The following CDH18 variants were observed in gnomAD, a reference collection of about 807,000 sequenced individuals.
The protein encoded by CDH18 is cadherin-18.
Under a neutral mutation model 67.9 loss-of-function variants are expected in CDH18, and 31 were observed. That is an observed-to-expected ratio of 0.46 (90% CI 0.34 to 0.62). CDH18 has a LOEUF of 0.62. Ranked by LOEUF, CDH18 falls within the 20% of genes least tolerant of loss-of-function variation. The pLI, the probability that CDH18 is intolerant of heterozygous loss-of-function variation, is 0.01. For synonymous variants in CDH18, 362 were observed against 347.2 expected (o/e 1.04, Z -0.48); for missense variants, 890 against 975.5 (o/e 0.91, Z 1.17).
chr5:20,061,875 A>G (rs1742517899), intron 2 of CDH18, among the ~76,000 whole-genome samples: 1 of 152,134 alleles, frequency 6.6e-6, no homozygotes, highest in African/African-American at 2.4e-5. Flanking sequence ...AAAGCATCTT[A>G]GAGATCATGT....
chr5:20,457,422 T>A (rs918034167), intron 1 of CDH18, among the ~76,000 whole-genome samples: 1 of 152,142 alleles, frequency 6.6e-6, no homozygotes, highest in Non-Finnish European at 1.5e-5. Context: ...CAAAAACTTG[T>A]AAGTGGATGG....
intron 2 of CDH18, among the ~76,000 whole-genome samples, chr5:20,145,187 A>C (rs1444941487): frequency 1.3e-5 from 2 of 152,168 alleles, no homozygotes; most frequent in African/African-American, 4.8e-5. Context: ...TTATACATAA[A>C]TTTAAATCTT....
At chr5:19,995,257 T>A (rs1381427048) in intron 2 of CDH18, among the ~76,000 whole-genome samples, 1 of 152,000 alleles carries the variant, frequency 6.6e-6, no homozygotes, top group Admixed American at 6.6e-5. Flanking sequence ...TAATAAACCA[T>A]CACGCCTATT....
chr5:19,692,321 G>T (rs928681264), intron 5 of CDH18, among the ~76,000 whole-genome samples: 3 of 152,028 alleles, frequency 2.0e-5, no homozygotes, highest in Admixed American at 1.3e-4. Flanking sequence ...CATTGGCCTA[G>T]GCCAAAATTT....
At position 19,640,277 on chromosome 5, in the gene CDH18, C is replaced by A. The variant is rs368112095; in HGVS notation, c.644-27676G>T. Among the ~76,000 whole-genome samples the A allele has an allele frequency of 3.5e-4, 54 of 152,126 alleles. No individual in the cohort carries two copies. In the South Asian group the frequency reaches 0.011, roughly 30 times the overall value. ...AAACTAATCATTAAAATATAAAAAT[C>A]TATTAATAGATACACAATATAGAAA... On this transcript the variant is annotated intron_variant, in intron 5 of 12. Coordinates refer to ENST00000382275, the MANE Select transcript of CDH18 (RefSeq NM_004934.5).
intron 9 of CDH18, among the ~76,000 whole-genome samples, chr5:19,540,228 C>G (rs1750040103): frequency 6.6e-6 from 1 of 152,104 alleles, no homozygotes. Flanking sequence ...AATGATCTCC[C>G]TTGACTCCAT....
chr5:19,906,661 C>A (rs1436040787), intron 2 of CDH18, among the ~76,000 whole-genome samples: 1 of 151,934 alleles, frequency 6.6e-6, no homozygotes, highest in Admixed American at 6.6e-5. Flanking sequence ...GTAATTCTGA[C>A]AAATGTATTC....
At chr5:20,123,320 G>A (rs923390584) in intron 2 of CDH18, among the ~76,000 whole-genome samples, 2 of 152,050 alleles carry the variant, frequency 1.3e-5, no homozygotes, top group African/African-American at 2.4e-5. Flanking sequence ...GCTCTGAAAC[G>A]CACCCCAGGA....
At chr5:19,931,239 T>C (rs961793375) in intron 2 of CDH18, among the ~76,000 whole-genome samples, 2 of 152,008 alleles carry the variant, frequency 1.3e-5, no homozygotes, top group African/African-American at 2.4e-5. Flanking sequence ...ATGGCAATTT[T>C]ATGTCTCCTC....
At chr5:19,653,136 C>A (rs183899068) in intron 5 of CDH18, among the ~76,000 whole-genome samples, 26 of 151,544 alleles carry the variant, frequency 1.7e-4, no homozygotes, top group African/African-American at 6.0e-4. Flanking sequence ...AAAGTAATGG[C>A]GGTTTTTGCC....
chr5:20,088,308 T>C (rs961476077), intron 2 of CDH18, among the ~76,000 whole-genome samples: 2 of 152,228 alleles, frequency 1.3e-5, no homozygotes, highest in African/African-American at 4.8e-5. Context: ...CTAGTATCCA[T>C]TTGGAGAACT....
intron 2 of CDH18, among the ~76,000 whole-genome samples, chr5:19,923,038 G>A (rs913051360): frequency 2.0e-4 from 30 of 151,840 alleles, no homozygotes; most frequent in African/African-American, 6.8e-4. Flanking sequence ...ATTTCTATCC[G>A]GTCAGACCTA....
rs904495055 is a variant in CDH18 at position 20,481,057 on chromosome 5, G to GA, written c.-580+94404dup. 4.0e-4 allele frequency among the ~76,000 whole-genome samples: 59 copies of GA among 149,182 alleles called. No homozygotes were observed. The East Asian group carries it at 0.01, about 26-fold the overall frequency. On this transcript the variant is annotated intron_variant, in intron 1 of 14. Coordinates refer to the CDH18 transcript ENST00000507958. ...TCAAAAGATATAGAGTGGCTGCCAG[G>GA]AAAAAAAAAGCAAGACCCAGTATCT...
intron 3 of CDH18, among the ~76,000 whole-genome samples, chr5:19,763,081 C>G (rs867115008): frequency 5.9e-5 from 9 of 152,230 alleles, no homozygotes; most frequent in East Asian, 1.9e-4. Flanking sequence ...GGGAATATCA[C>G]ACACCAGGGC....
intron 1 of CDH18, among the ~76,000 whole-genome samples, chr5:20,324,277 C>T (rs542588298): frequency 6.6e-6 from 1 of 151,954 alleles, no homozygotes; most frequent in Non-Finnish European, 1.5e-5. Flanking sequence ...GGGTGGCTCA[C>T]GCCTATAATC....
chr5:20,208,482 C>T lies in CDH18; in HGVS notation c.-518+46962G>A, dbSNP rs1258147621. 5.3e-5 allele frequency among the ~76,000 whole-genome samples: 8 copies of T among 151,980 alleles called. No homozygotes were observed. In the South Asian group the frequency reaches 1.7e-3, roughly 32 times the overall value. The stretch of plus-strand genomic sequence containing the variant: ...ATATACAATCCGGAGAGGACAGTGT[C>T]TTCAATCAACAGTGGTGGGAAAACT... On this transcript the variant is annotated intron_variant, in intron 2 of 14. Transcript: ENST00000507958.
chr5:19,859,010 T>A (rs111718366), intron 2 of CDH18, among the ~76,000 whole-genome samples: 9 of 152,122 alleles, frequency 5.9e-5, no homozygotes, highest in Non-Finnish European at 1.0e-4. Context: ...GTATAAAAAG[T>A]GGCTTGTATT....
chr5:19,815,477 T>G (rs900384473), intron 3 of CDH18, among the ~76,000 whole-genome samples: 1 of 151,952 alleles, frequency 6.6e-6, no homozygotes. Context: ...AGCTTGAAAC[T>G]TTCTATTTCC....
chr5:19,719,513 T>C (rs1234259460), intron 5 of CDH18, among the ~76,000 whole-genome samples: 2 of 151,914 alleles, frequency 1.3e-5, no homozygotes, highest in East Asian at 3.9e-4. Context: ...ATGGCGAGCT[T>C]TTCAACTAAT....
Sources: gnomAD v4.1 joint callset for allele counts (sites outside exome capture counted in the v4.1 genomes callset) on GRCh38, gnomAD v4.1.1 for gene constraint, MANE v1.5 for transcripts, NCBI Gene and HGNC (gene_info 2026-07-23, HGNC 2026-07-21) for gene names.